Variants in TEX9 observed in about 807,000 individuals in gnomAD.
The protein encoded by TEX9 is testis-expressed protein 9.
TEX9 carries 74 observed loss-of-function variants against 59.6 expected under a neutral mutation model. The observed-to-expected ratio is 1.24, with a 90% confidence interval of 1.03 to 1.51. The LOEUF is 1.51. Among genes scored for constraint, TEX9 ranks in the 40% most tolerant of loss-of-function variants. The pLI is 0.00. For missense variants in TEX9, 522 were observed against 447.8 expected (o/e 1.17, Z -1.49); for synonymous variants, 186 against 152.2 (o/e 1.22, Z -1.64).
chr15:56,251,100 A>G, intron 1 of TEX9, among the ~76,000 whole-genome samples: 1 of 152,248 alleles, frequency 6.6e-6, no homozygotes, highest in Non-Finnish European at 1.5e-5. Context: ...TTCCAAGAAT[A>G]GATCTACTTT....
chr15:56,452,108 C>A, the TEX9 span, among the ~76,000 whole-genome samples: 3 of 152,286 alleles, frequency 2.0e-5, 1 homozygote, highest in Admixed American at 6.5e-5. Context: ...TCTCTCTTCT[C>A]TCCTGTTTGC....
At chr15:56,450,974 C>T (rs182163139), downstream of TEX9, among the ~76,000 whole-genome samples, 213 of 152,272 alleles carry the variant, frequency 1.4e-3, 2 homozygotes, top group African/African-American at 4.9e-3. Flanking sequence ...TTGCATTTCC[C>T]TAATGACAAA....
At chr15:56,397,611 G>A (rs2048542439) in intron 9 of TEX9, 3 of 152,160 alleles carry the variant, frequency 2.0e-5, no homozygotes, top group Admixed American at 2.0e-4. Flanking sequence ...GTTTTGAAAT[G>A]TGAGGACATG....
At chr15:56,389,007 T>C (rs1467802101) in intron 5 of TEX9, among the ~76,000 whole-genome samples, 2 of 152,002 alleles carry the variant, frequency 1.3e-5, no homozygotes, top group Admixed American at 6.6e-5. Context: ...GGGGAATAAT[T>C]GGTTCATGAG....
At chr15:56,266,165 C>T (rs1332883748) in intron 1 of TEX9, among the ~76,000 whole-genome samples, 2 of 151,622 alleles carry the variant, frequency 1.3e-5, no homozygotes, top group South Asian at 4.2e-4. Context: ...CTCACTCTGT[C>T]TCCCAGGCTG....
intron 6 of TEX9, among the ~76,000 whole-genome samples, chr15:56,389,672 C>G (rs1197193698): frequency 1.3e-5 from 2 of 148,704 alleles, no homozygotes; most frequent in East Asian, 3.9e-4. Flanking sequence ...GAGTTATTCT[C>G]TTAGAACTGT....
intron 1 of TEX9, among the ~76,000 whole-genome samples, chr15:56,341,491 C>A (rs1400310849): frequency 6.6e-6 from 1 of 152,162 alleles, no homozygotes; most frequent in South Asian, 2.1e-4. Context: ...CCCTTAGGGT[C>A]TGCTTCTACC....
intron 10 of TEX9, among the ~76,000 whole-genome samples, chr15:56,426,261 T>G (rs1288886576): frequency 6.6e-6 from 1 of 152,022 alleles, no homozygotes; most frequent in Non-Finnish European, 1.5e-5. Context: ...TCTACTCTTT[T>G]CCCTCCATTC....
In TEX9 at chr15:56,408,229, A is replaced by G. The variant is rs566524495; in HGVS notation, c.829-4073A>G. ...CTTAGGCTTCCATCTCTACCCTGCC[A>G]TTGAAACTACTCTTAAAAAGGTCAC... On this transcript the variant is annotated intron_variant, in intron 9 of 12. Transcript: ENST00000352903. Among the ~76,000 whole-genome samples, 5 of 152,316 alleles carry G rather than the reference A, an allele frequency of 3.3e-5. No homozygotes were observed. The South Asian group carries it at 1.0e-3, about 32-fold the overall frequency.
chr15:56,357,950 G>A (rs2046714226), intron 1 of TEX9, among the ~76,000 whole-genome samples: 1 of 152,066 alleles, frequency 6.6e-6, no homozygotes, highest in Middle Eastern at 3.2e-3. Context: ...CTTCCTTTAT[G>A]TCTGGTGATT....
intron 3 of TEX9, among the ~76,000 whole-genome samples, chr15:56,379,071 CAA>C (rs199787439): frequency 2.0e-5 from 1 of 50,212 alleles, no homozygotes; most frequent in Admixed American, 2.4e-4. Context: ...CTCAAAGAAA[CAA>C]AAAAAAAAAA....
chr15:56,270,160 G>A lies in TEX9; in HGVS notation c.-107+25882G>A, dbSNP rs558235086. On this transcript the variant is annotated intron_variant, in intron 1 of 5. Coordinates refer to the TEX9 transcript ENST00000560827. ...GGAGAGTTCTGTAGATGCCTATTAG[G>A]TCTGCTTGGTGCAGAGCTGAGTTTA... Among the ~76,000 whole-genome samples the A allele has an allele frequency of 2.1e-3, 323 of 152,252 alleles. 2 individuals carry two copies. Among genetic ancestry groups the A allele is most frequent in the African/African-American group, 6.7e-3 (277 of 41,534 alleles).
At chr15:56,340,654 A>C (rs2046354996) in intron 1 of TEX9, among the ~76,000 whole-genome samples, 1 of 152,050 alleles carries the variant, frequency 6.6e-6, no homozygotes, top group Non-Finnish European at 1.5e-5. Flanking sequence ...TTGATTCTAC[A>C]TCCTCAGGAT....
intron 1 of TEX9, among the ~76,000 whole-genome samples, chr15:56,264,564 G>C (rs1367180645): frequency 2.6e-5 from 4 of 152,128 alleles, no homozygotes; most frequent in African/African-American, 9.7e-5. Flanking sequence ...CTTTTGAAGA[G>C]CTGAAGTTTA....
chr15:56,329,651 T>C (rs2046100268), intron 1 of TEX9, among the ~76,000 whole-genome samples: 1 of 152,026 alleles, frequency 6.6e-6, no homozygotes. Flanking sequence ...ATTGACATAC[T>C]GAAGAATGCA....
At chr15:56,351,114 G>A (rs2141875698) in intron 1 of TEX9, among the ~76,000 whole-genome samples, 1 of 152,186 alleles carries the variant, frequency 6.6e-6, no homozygotes, top group East Asian at 1.9e-4. Flanking sequence ...ATTTGTGGAT[G>A]TTAATCATAA....
At chr15:56,263,102 C>T (rs1002556851) in intron 1 of TEX9, among the ~76,000 whole-genome samples, 2 of 152,180 alleles carry the variant, frequency 1.3e-5, no homozygotes, top group Non-Finnish European at 2.9e-5. Context: ...TGGCTCACTG[C>T]AACCTCTGCC....
intron 1 of TEX9, among the ~76,000 whole-genome samples, chr15:56,316,384 C>A (rs546290936): frequency 6.6e-6 from 1 of 151,946 alleles, no homozygotes; most frequent in South Asian, 2.1e-4. Context: ...GGACCCTCAG[C>A]TGCAGGTCTG....
In TEX9 at chr15:56,334,645, G is replaced by A. The variant is rs542186419; in HGVS notation, c.-106-38796G>A. 2.6e-4 allele frequency among the ~76,000 whole-genome samples: 40 copies of A among 152,066 alleles called. No homozygotes were observed. In the South Asian group the frequency reaches 6.6e-3, roughly 25 times the overall value. ...AACACAGGCAACCAAAGCAAAAATGGACAAATGGGATCACATCAAGTTAAA... is the reference window on the plus strand; with the variant it reads ...AACACAGGCAACCAAAGCAAAAATGAACAAATGGGATCACATCAAGTTAAA... On this transcript the variant is annotated intron_variant, in intron 1 of 5. Transcript: ENST00000560827.
Sources: allele counts gnomAD v4.1 joint callset (sites outside exome capture counted in the v4.1 genomes callset), GRCh38; gene constraint gnomAD v4.1.1; transcripts MANE v1.5; gene names NCBI Gene and HGNC (gene_info 2026-07-23, HGNC 2026-07-21).